Variants in ATP8B3 observed in about 807,000 individuals in gnomAD.
ATP8B3 encodes ATPase phospholipid transporting 8B3.
Under a neutral mutation model 140.9 loss-of-function variants are expected in ATP8B3, and 141 were observed. That is an observed-to-expected ratio of 1.00 (90% confidence interval 0.87 to 1.15). The LOEUF is 1.15. Among genes scored for constraint, ATP8B3 ranks in the 50% most tolerant of loss-of-function variants. The probability of loss-of-function intolerance (pLI) is 0.00; values close to 1 mark genes in which losing one functional copy is unlikely to be tolerated. For missense variants in ATP8B3, 1,874 were observed against 1,740.6 expected, an observed-to-expected ratio of 1.08 and a Z score of -1.36; for synonymous variants, 765 against 714.6, an observed-to-expected ratio of 1.07 and a Z score of -1.13.
rs1260718122 is a variant in ATP8B3 at position 1,785,487 on chromosome 19, C to G, written c.3375G>C (p.Leu1125=). Residue 1125 remains leucine (L), a synonymous_variant, in exon 26 of 29, where the codon CTG becomes CTC. Coordinates refer to ENST00000310127, the MANE Select transcript of ATP8B3 (RefSeq NM_138813.4). The part of the protein sequence containing the change: ...SFAVVVALSC[L]LSITMEVILI... ...TGCCCACCTCCATGGTGATGGACAGCAGGCAAGACAGGGCCACCACGACCG... is the reference window on the plus strand; with the variant it reads ...TGCCCACCTCCATGGTGATGGACAGGAGGCAAGACAGGGCCACCACGACCG... 31 of 1,612,726 alleles carry G rather than the reference C, an allele frequency of 1.9e-5. No individual in the cohort carries two copies. The highest frequency in any genetic ancestry group is 2.5e-5 in the Non-Finnish European group (30 of 1,179,848).
intron 24 of ATP8B3, among the ~76,000 whole-genome samples, chr19:1,788,448 G>A (rs1235753099): frequency 2.6e-5 from 4 of 152,162 alleles, no homozygotes; most frequent in South Asian, 4.1e-4. Context: ...TCAGGAGTTC[G>A]AGACCAGCCT....
In ATP8B3 at chr19:1,794,945, G is replaced by A. The variant is rs760423279; in HGVS notation, c.2055+930C>T. 3.9e-4 allele frequency among the ~76,000 whole-genome samples: 60 copies of A among 152,304 alleles called. No individual in the cohort carries two copies. The Middle Eastern group carries it at 0.014, about 35-fold the overall frequency. ...GCTGGGCCAGCTCAACCGCACGGTC[G>A]TCTTGTGCAAATGAGAAAAATACAC... is the stretch of plus-strand genomic sequence containing the variant. On this transcript the variant is annotated intron_variant, in intron 18 of 28. Transcript: ENST00000310127. This position sits in a 1 kb window ranked among gnomAD's most constrained non-coding sequence, Gnocchi z 4.8.
chr19:1,785,756 C>T, intron 25 of ATP8B3, 48 bp from the exon 26 acceptor site: 3 of 1,429,572 alleles, frequency 2.1e-6, no homozygotes, highest in Non-Finnish European at 2.9e-6. Flanking sequence ...GCGGGGGACA[C>T]CCAACAGAGA....
Position 1,794,654 on chromosome 19 carries a change from C to T in ATP8B3, c.2055+1221G>A, listed in dbSNP as rs1031043816. On this transcript the variant is annotated intron_variant, in intron 18 of 28. Transcript: ENST00000310127. This position sits in a 1 kb window ranked among gnomAD's most constrained non-coding sequence, Gnocchi z 4.8. ...GCTTGTGGCTGAGTCATGAGGACACCGAAAGCTTCTGAATGACAAAGGTGC... is the reference window on the plus strand; with the variant it reads ...GCTTGTGGCTGAGTCATGAGGACACTGAAAGCTTCTGAATGACAAAGGTGC... 6.6e-6 allele frequency among the ~76,000 whole-genome samples: 1 copy of T among 152,026 alleles called. No homozygotes were observed. Among genetic ancestry groups the T allele is most frequent in the African/African-American group, 2.4e-5 (1 of 41,380 alleles).
chr19:1,805,375 T>A lies in ATP8B3; in HGVS notation c.903A>T (p.Gln301His). The A allele has an allele frequency of 6.4e-7, 1 of 1,562,832 alleles. No homozygotes were observed. ...GACTCCCTGCTCAACGCCTCTCACC[T>A]TGAAAGGACGCCATCTTCTTTATAG... ...LATIKKMASF[Q>H]GTVTCEAPNS... Residue 301 changes from glutamine (Q) to histidine (H), a missense_variant and splice_region_variant, in exon 10 of 29, where the codon CAA becomes CAT. Gln to His is a conservative substitution (Grantham distance 24, BLOSUM62 0). Transcript: ENST00000310127. This position sits in a 1 kb window ranked among gnomAD's most constrained non-coding sequence, Gnocchi z 5.2.
rs1357732450 is a variant in ATP8B3 at position 1,805,553 on chromosome 19, G to T, written c.822-97C>A. 2 of 1,085,464 alleles carry T rather than the reference G, an allele frequency of 1.8e-6. No homozygotes were observed. Among genetic ancestry groups the T allele is most frequent in the African/African-American group, 3.1e-5 (2 of 63,780 alleles). 67.2% of individuals were successfully genotyped at this position (1,085,464 alleles called of 1,614,324 possible). A position where few individuals can be genotyped will look rare whatever the true frequency, so the allele number is the denominator to read the frequency against. ...GGAGTCACTCAAACATTTTCACTGA[G>T]CACCTACTAGTTCGCCAGCTGCCAG... On this transcript the variant is annotated intron_variant, in intron 9 of 28. Coordinates refer to ENST00000310127, the MANE Select transcript of ATP8B3 (RefSeq NM_138813.4). The surrounding 1 kb of genome is among the most constrained non-coding windows in gnomAD (Gnocchi z 5.2).
At position 1,807,968 on chromosome 19, in the gene ATP8B3, C is replaced by T. The variant is rs1330814872; in HGVS notation, c.516+254G>A. Among the ~76,000 whole-genome samples the T allele has an allele frequency of 6.6e-6, 1 of 152,222 alleles. No individual in the cohort carries two copies. The highest frequency in any genetic ancestry group is 1.5e-5 in the Non-Finnish European group (1 of 68,030). Reference sequence around the variant, plus strand: ...ACAGCTATGCCTCCCGATGCCCAGCCCTGCCCAGCAGGAACCAGCGGGGCG... The same window carrying T: ...ACAGCTATGCCTCCCGATGCCCAGCTCTGCCCAGCAGGAACCAGCGGGGCG... On this transcript the variant is annotated intron_variant, in intron 5 of 28. Coordinates refer to ENST00000310127, the MANE Select transcript of ATP8B3 (RefSeq NM_138813.4). The surrounding 1 kb of genome is among the most constrained non-coding windows in gnomAD (Gnocchi z 5.9).
At chr19:1,789,198 G>T in intron 23 of ATP8B3, 78 bp from the exon 24 acceptor site, 5 of 1,043,152 alleles carry the variant, frequency 4.8e-6, no homozygotes, top group South Asian at 4.6e-5. Context: ...GCACTGTTCT[G>T]CCCCCTATCA....
At position 1,792,166 on chromosome 19, in the gene ATP8B3, A is replaced by T. The variant is rs373282495; in HGVS notation, c.2056-31T>A. ...GGCCGGGCAGGTGGAAGCTGTCACCATGCTGAAGCCGACATCCGAGGCTCA... is the reference window on the plus strand; with the variant it reads ...GGCCGGGCAGGTGGAAGCTGTCACCTTGCTGAAGCCGACATCCGAGGCTCA... On this transcript the variant is annotated intron_variant, in intron 18 of 28. Transcript: ENST00000310127. The T allele has an allele frequency of 7.7e-5, 119 of 1,541,908 alleles. No homozygotes were observed. In the African/African-American group the frequency reaches 1.4e-3, roughly 18 times the overall value.
At position 1,800,491 on chromosome 19, in the gene ATP8B3, T is replaced by A; in HGVS notation, c.1153-42A>T. ...ACAGGGTGGGTGAGGGGGGCGGGGG[T>A]CCCCCACTCTGCCATCAGGATGGGG... On this transcript the variant is annotated intron_variant, in intron 12 of 28. Coordinates refer to ENST00000310127, the MANE Select transcript of ATP8B3 (RefSeq NM_138813.4). The surrounding 1 kb of genome is among the most constrained non-coding windows in gnomAD (Gnocchi z 4.4). The A allele has an allele frequency of 6.5e-7, 1 of 1,534,086 alleles. No homozygotes were observed. The highest frequency in any genetic ancestry group is 8.9e-7 in the Non-Finnish European group (1 of 1,117,888).
In ATP8B3 at chr19:1,807,037, A is replaced by G; in HGVS notation, c.615+131T>C. The G allele has an allele frequency of 1.2e-6, 1 of 813,230 alleles. No homozygotes were observed. Among genetic ancestry groups the G allele is most frequent in the South Asian group, 1.6e-5 (1 of 63,756 alleles). The allele number at this position is 813,230 out of a possible 1,614,324, so 50.4% of individuals were successfully genotyped here. On this transcript the variant is annotated intron_variant, in intron 6 of 28. Transcript: ENST00000310127. This position sits in a 1 kb window ranked among gnomAD's most constrained non-coding sequence, Gnocchi z 5.9. ...AAGGACAATGTAGCCCCAGCAGCTG[A>G]GGCTCCCAGGCCCACGTTCCCCTAA...
At position 1,782,966 on chromosome 19, in the gene ATP8B3, G is replaced by A; in HGVS notation, c.*62C>T. On this transcript the variant is annotated 3_prime_UTR_variant, in exon 29 of 29. Transcript: ENST00000310127. ...TGTAGGGGGGAGCTGTACTTCCTGG[G>A]AGGACACCTGCCCCTGTGGCTGGTG... 3.9e-6 allele frequency: 6 copies of A among 1,544,818 alleles called. No homozygotes were observed. Among genetic ancestry groups the A allele is most frequent in the Non-Finnish European group, 5.3e-6 (6 of 1,142,232 alleles).
rs971956067 is a variant in ATP8B3, at chr19:1,806,455, T to TCTGTCCTCGTCCC, written c.677+160_677+172dup. The stretch of plus-strand genomic sequence containing the variant: ...AGGGTTCGCCATCAGGGCCTCGGCC[T>TCTGTCCTCGTCCC]CTGTCCTCGTCCCGGCCAAACGCCT... On this transcript the variant is annotated intron_variant, in intron 7 of 28. Coordinates refer to ENST00000310127, the MANE Select transcript of ATP8B3 (RefSeq NM_138813.4). The surrounding 1 kb of genome is among the most constrained non-coding windows in gnomAD (Gnocchi z 5.6). 120 of 1,456,350 alleles carry TCTGTCCTCGTCCC rather than the reference T, an allele frequency of 8.2e-5. 1 individual carries two copies. In the East Asian group the frequency reaches 2.7e-3, roughly 33 times the overall value. The allele number at this position is 1,456,350 out of a possible 1,614,324, so 90.2% of individuals were successfully genotyped here.
chr19:1,783,306 C>G, intron 28 of ATP8B3, 36 bp from the exon 29 acceptor site: 1 of 1,589,878 alleles, frequency 6.3e-7, no homozygotes, highest in South Asian at 1.1e-5. Context: ...GAAGCAGACT[C>G]CTATGCTTGG....
rs1486201781 is a variant in ATP8B3 at position 1,806,151 on chromosome 19, C to T, written c.696G>A (p.Trp232Ter). ...LMGKSFKQKK[W>*]QDLCVGDVVC... Reference sequence around the variant, plus strand: ...CCACATCCCCCACGCACAGATCCTGCCATTTCTTCTGCTTGAAGCTGCGGG... The same window carrying T: ...CCACATCCCCCACGCACAGATCCTGTCATTTCTTCTGCTTGAAGCTGCGGG... The change falls in exon 8 of 29, where the codon TGG becomes TGA. Residue 232 changes from tryptophan to a stop codon, truncating the protein, a stop_gained. Transcript: ENST00000310127. LOFTEE classifies it high-confidence loss of function. The surrounding 1 kb of genome is among the most constrained non-coding windows in gnomAD (Gnocchi z 5.6). The T allele has an allele frequency of 6.3e-7, 1 of 1,598,514 alleles. No homozygotes were observed. The highest frequency in any genetic ancestry group is 1.1e-5 in the South Asian group (1 of 88,832).
Position 1,794,850 on chromosome 19 carries a change from G to T in ATP8B3, c.2055+1025C>A, listed in dbSNP as rs943201580. 6.6e-6 allele frequency among the ~76,000 whole-genome samples: 1 copy of T among 152,190 alleles called. No homozygotes were observed. Among genetic ancestry groups the T allele is most frequent in the African/African-American group, 2.4e-5 (1 of 41,450 alleles). ...GGACAGAAAAAGCCTCAAATCCTGG[G>T]CCGAGGAGTTCGGGCTTCCCCCACA... On this transcript the variant is annotated intron_variant, in intron 18 of 28. Transcript: ENST00000310127. This position sits in a 1 kb window ranked among gnomAD's most constrained non-coding sequence, Gnocchi z 4.8.
At position 1,785,184 on chromosome 19, in the gene ATP8B3, T is replaced by C. The variant is rs201211115; in HGVS notation, c.3507A>G (p.Val1169=). ...TTTQSFWLFR[V]SPTTFPFLYA... ...ACAGAAACGGGAAGGTCGTGGGGGA[T>C]ACTCTGAAGAGCCAGAAGCTCTGGG... The change falls in exon 27 of 29, where the codon GTA becomes GTG. Residue 1169 remains valine (V), a synonymous_variant. Coordinates refer to ENST00000310127, the MANE Select transcript of ATP8B3 (RefSeq NM_138813.4). 1,202 of 1,595,490 alleles carry C rather than the reference T, an allele frequency of 7.5e-4. 5 individuals carry two copies. The African/African-American group carries it at 0.013, about 17-fold the overall frequency.
chr19:1,789,724 T>C lies in ATP8B3; in HGVS notation c.2482A>G (p.Lys828Glu), dbSNP rs759955668. 8 of 1,562,064 alleles carry C rather than the reference T, an allele frequency of 5.1e-6. No homozygotes were observed. In the Admixed American group the frequency reaches 1.1e-4, roughly 21 times the overall value. Residue 828 changes from lysine to glutamate, a missense_variant, in exon 23 of 29, where the codon AAA becomes GAA. Around this residue, in one of 3 missense-constraint regions of ATP8B3, gnomAD observed 840 missense variants for 760.9 expected, o/e 1.10. Transcript: ENST00000310127. ...ALVINGDFLD[K>E]LLVSLRKEPR... ...TCCTTCCGCAGGGACACCAGCAGTTTGTCCTGGCCGGCGGGGAGGGGGCTG... is the reference window on the plus strand; with the variant it reads ...TCCTTCCGCAGGGACACCAGCAGTTCGTCCTGGCCGGCGGGGAGGGGGCTG...
Position 1,789,991 on chromosome 19 carries a change from TGCGGGGCGCAGGGGTCA to T in ATP8B3, c.2379-19_2379-3del, listed in dbSNP as rs1316904198. ...TCCCAGTAGGTCTCCAGGATGCGGC[TGCGGGGCGCAGGGGTCA>T]GCGGGGCAGGGGAGGGGGCGGGCTT... is the stretch of plus-strand genomic sequence containing the variant. On this transcript the variant is annotated splice_region_variant and splice_polypyrimidine_tract_variant and intron_variant, in intron 21 of 28. Transcript: ENST00000310127. The T allele has an allele frequency of 5.0e-6, 8 of 1,598,818 alleles. No individual in the cohort carries two copies. In the East Asian group the frequency reaches 1.8e-4, roughly 36 times the overall value.
Sources: allele counts gnomAD v4.1 joint callset (sites outside exome capture counted in the v4.1 genomes callset), GRCh38; gene constraint gnomAD v4.1.1; regional missense constraint gnomAD v4.1.1; non-coding constraint Gnocchi (gnomAD v3.1); transcripts MANE v1.5; gene names NCBI Gene and HGNC (gene_info 2026-07-23, HGNC 2026-07-21).